IL1RAPL2: variants seen among roughly 807,000 people sequenced by gnomAD.
IL1RAPL2 encodes the protein X-linked interleukin-1 receptor accessory protein-like 2.
A neutral mutation model predicts 44.1 loss-of-function variants in IL1RAPL2; 3 were observed. The observed-to-expected ratio is 0.07, with a 90% CI of 0.03 to 0.18. The LOEUF (loss-of-function observed/expected upper bound fraction) is 0.18. Among genes scored for constraint, IL1RAPL2 ranks in the 10% least tolerant of loss-of-function variants. The pLI, the probability that IL1RAPL2 is intolerant of heterozygous loss-of-function variation, is 1.00. For missense variants in IL1RAPL2, 391 were observed against 496.4 expected (o/e 0.79, Z 2.02); for synonymous variants, 181 against 178.8 (o/e 1.01, Z -0.10).
chrX:105,420,789 G>A (rs1268098133), intron 5 of IL1RAPL2, among the ~76,000 whole-genome samples: 3 of 111,140 alleles, frequency 2.7e-5, no homozygotes, highest in African/African-American at 9.8e-5. Context: ...AAATTTGACT[G>A]ACAAGCCCCA....
At chrX:105,359,023 A>G (rs1354537753) in intron 5 of IL1RAPL2, among the ~76,000 whole-genome samples, 1 of 112,169 alleles carries the variant, frequency 8.9e-6, no homozygotes, top group Non-Finnish European at 1.9e-5. Context: ...GAATTCCTTC[A>G]TCAGGCAGTC....
At chrX:105,451,771 T>C (rs753479995) in intron 5 of IL1RAPL2, among the ~76,000 whole-genome samples, 1 of 112,008 alleles carries the variant, frequency 8.9e-6, no homozygotes, top group South Asian at 3.7e-4. Context: ...TGTTTGCAGG[T>C]ATCCATGTCA....
At chrX:105,268,792 T>C (rs1267273683) in intron 5 of IL1RAPL2, among the ~76,000 whole-genome samples, 1 of 61,622 alleles carries the variant, frequency 1.6e-5, no homozygotes, top group East Asian at 5.4e-4. Flanking sequence ...AATATAATAT[T>C]GCATGTTGAA....
chrX:105,243,245 T>C (rs1429097469), intron 4 of IL1RAPL2, among the ~76,000 whole-genome samples: 2 of 110,982 alleles, frequency 1.8e-5, no homozygotes, highest in Non-Finnish European at 3.8e-5. Flanking sequence ...ATTCTCATGA[T>C]AGTGAGTGAG....
chrX:105,308,234 C>T (rs1257651751), intron 5 of IL1RAPL2, among the ~76,000 whole-genome samples: 1 of 111,637 alleles, frequency 9.0e-6, no homozygotes, highest in African/African-American at 3.3e-5. Flanking sequence ...ATTCTCAATA[C>T]ATTTACTCAT....
intron 2 of IL1RAPL2, among the ~76,000 whole-genome samples, chrX:104,950,541 T>G (rs944904410): frequency 1.8e-5 from 2 of 112,544 alleles, no homozygotes; most frequent in African/African-American, 6.5e-5. Context: ...TAAGCAAGCC[T>G]GGGCAGTGAC....
intron 2 of IL1RAPL2, among the ~76,000 whole-genome samples, chrX:105,091,878 A>G (rs2032546980): frequency 9.0e-6 from 1 of 111,476 alleles, no homozygotes; most frequent in Admixed American, 9.5e-5. Flanking sequence ...CGACTGCTCT[A>G]GTTTTCCATT....
chrX:105,343,283 G>C (rs746261487), intron 5 of IL1RAPL2, among the ~76,000 whole-genome samples: 22 of 111,863 alleles, frequency 2.0e-4, no homozygotes, highest in Non-Finnish European at 3.9e-4. Context: ...AATTAGGAAA[G>C]CTACATTGTA....
chrX:105,664,389 T>C (rs1215133262), intron 6 of IL1RAPL2, among the ~76,000 whole-genome samples: 8 of 111,950 alleles, frequency 7.1e-5, no homozygotes, highest in Non-Finnish European at 3.8e-5. Context: ...GTCAGGTTTA[T>C]GATAGGATTG....
At chrX:105,036,424 G>A (rs2031629761) in intron 2 of IL1RAPL2, among the ~76,000 whole-genome samples, 1 of 111,996 alleles carries the variant, frequency 8.9e-6, no homozygotes, top group Non-Finnish European at 1.9e-5. Flanking sequence ...GTATTTTAGA[G>A]TTTCCAAGGC....
At chrX:105,187,520 T>TAC (rs1194873539) in intron 2 of IL1RAPL2, among the ~76,000 whole-genome samples, 2 of 112,006 alleles carry the variant, frequency 1.8e-5, no homozygotes, top group Admixed American at 9.5e-5. Context: ...GATATTTGTA[T>TAC]ACACACACAC....
intron 6 of IL1RAPL2, among the ~76,000 whole-genome samples, chrX:105,558,793 T>A (rs753737050): frequency 8.9e-6 from 1 of 112,376 alleles, no homozygotes; most frequent in Non-Finnish European, 1.9e-5. Context: ...ATTTTACATG[T>A]GTAATGAGAT....
At chrX:105,574,849 C>T (rs946398959) in intron 6 of IL1RAPL2, among the ~76,000 whole-genome samples, 1 of 111,043 alleles carries the variant, frequency 9.0e-6, no homozygotes, top group Non-Finnish European at 1.9e-5. Flanking sequence ...CAGCAGTATA[C>T]ATTGCCAGAT....
At chrX:105,698,296 C>T (rs1323400502) in intron 6 of IL1RAPL2, among the ~76,000 whole-genome samples, 1 of 111,611 alleles carries the variant, frequency 9.0e-6, no homozygotes, top group Non-Finnish European at 1.9e-5. Context: ...TACAAACCCC[C>T]TCCAAACCTC....
chrX:105,743,049 C>T (rs778421840), intron 8 of IL1RAPL2, among the ~76,000 whole-genome samples: 1 of 111,498 alleles, frequency 9.0e-6, no homozygotes, highest in Admixed American at 9.6e-5. Context: ...GAACACTTTT[C>T]CCACCTTCAC....
intron 6 of IL1RAPL2, among the ~76,000 whole-genome samples, chrX:105,493,699 C>T (rs2147779666): frequency 9.0e-6 from 1 of 111,294 alleles, no homozygotes; most frequent in South Asian, 3.8e-4. Flanking sequence ...TGCCGTATTC[C>T]TACTAATATT....
intron 2 of IL1RAPL2, among the ~76,000 whole-genome samples, chrX:105,163,032 T>C (rs2033340338): frequency 8.9e-6 from 1 of 111,826 alleles, no homozygotes; most frequent in Non-Finnish European, 1.9e-5. Context: ...GGGGTCCCTT[T>C]AACTTCTAGA....
At chrX:105,479,189 C>T (rs1002931200) in intron 5 of IL1RAPL2, among the ~76,000 whole-genome samples, 1 of 111,228 alleles carries the variant, frequency 9.0e-6, no homozygotes, top group African/African-American at 3.3e-5. Flanking sequence ...AGACAGAACT[C>T]AATTCAGGTC....
rs755513441 is a variant in IL1RAPL2, at chrX:104,718,920, G to A, written c.82+59925G>A. On this transcript the variant is annotated intron_variant, in intron 2 of 10. Coordinates refer to ENST00000372582, the MANE Select transcript of IL1RAPL2 (RefSeq NM_017416.2). ...CTTCCATTACTGTGTGAAAGTAGCC[G>A]TTGACAATAAGTAAACGAATAAGCT... is the stretch of plus-strand genomic sequence containing the variant. 1.3e-4 allele frequency among the ~76,000 whole-genome samples: 15 copies of A among 111,791 alleles called. 1 individual carries two copies. In the South Asian group the frequency reaches 1.5e-3, roughly 11 times the overall value.
Sources: allele counts gnomAD v4.1 joint callset (sites outside exome capture counted in the v4.1 genomes callset), GRCh38; gene constraint gnomAD v4.1.1; transcripts MANE v1.5; gene names NCBI Gene and HGNC (gene_info 2026-07-23, HGNC 2026-07-21).